The following DEGS2 variants were observed in gnomAD, a reference collection of about 807,000 sequenced individuals.
DEGS2 encodes the protein sphingolipid delta(4)-desaturase/C4-monooxygenase DES2.
Under a neutral mutation model 23.8 loss-of-function variants are expected in DEGS2, and 19 were observed. The ratio of observed to expected loss-of-function variants is 0.80; its 90% CI spans 0.56 to 1.17. The LOEUF is 1.17. DEGS2 is among the 50% of genes most tolerant of loss of function. The pLI, the probability that DEGS2 is intolerant of heterozygous loss-of-function variation, is 0.00. For synonymous variants in DEGS2, 218 were observed against 213.7 expected, an observed-to-expected ratio of 1.02 and a Z score of -0.18; for missense variants, 390 against 459.5, an observed-to-expected ratio of 0.85 and a Z score of 1.38.
the DEGS2 span, among the ~76,000 whole-genome samples, chr14:100,166,427 C>CA: frequency 6.6e-6 from 1 of 151,630 alleles, no homozygotes; most frequent in Non-Finnish European, 1.5e-5. Context: ...CCCCCGCCCC[C>CA]ACAGGGACCT....
chr14:100,159,504 A>AC lies in DEGS2; in HGVS notation c.82+1dup. On this transcript the variant is annotated splice_donor_variant, in intron 1 of 2. Coordinates refer to ENST00000305631, the MANE Select transcript of DEGS2 (RefSeq NM_206918.3). LOFTEE classifies it high-confidence loss of function. ...CCGGGGTGGGCCCCGCGCGGCGCTCACCCAGTATCTCCTTGCGCCGCTGCG... is the reference window on the plus strand; with the variant it reads ...CCGGGGTGGGCCCCGCGCGGCGCTCACCCCAGTATCTCCTTGCGCCGCTGCG... 6.7e-7 allele frequency: 1 copy of AC among 1,491,904 alleles called. No homozygotes were observed. The allele number at this position is 1,491,904 out of a possible 1,614,324, so 92.4% of individuals were successfully genotyped here.
At chr14:100,159,970 T>G, upstream of DEGS2, 1 of 159,084 alleles carries the variant, frequency 6.3e-6, no homozygotes, top group Non-Finnish European at 1.4e-5. Flanking sequence ...GTCGGGTTTT[T>G]ACCCCGGCCC....
rs530020404 is a variant in DEGS2, at chr14:100,145,316, G to C, written c.*1445C>G. 6.6e-6 allele frequency: 1 copy of C among 152,304 alleles called. No homozygotes were observed. The highest frequency in any genetic ancestry group is 2.4e-5 in the African/African-American group (1 of 41,456). The allele number at this position is 152,304 out of a possible 1,614,324, so 9.4% of individuals were successfully genotyped here. On this transcript the variant is annotated 3_prime_UTR_variant, in exon 3 of 3. Transcript: ENST00000305631. The stretch of plus-strand genomic sequence containing the variant: ...TTCCCCTCAGCCTGTGGGCGGGCCT[G>C]TGTGCACAGGGAGGGGCCGCCCGGC...
In DEGS2 at chr14:100,159,570, G is replaced by C. The variant is rs748747978; in HGVS notation, c.18C>G (p.Ser6Arg). 2 of 1,498,392 alleles carry C rather than the reference G, an allele frequency of 1.3e-6. No homozygotes were observed. The highest frequency in any genetic ancestry group is 1.3e-5 in the South Asian group (1 of 79,452). The allele number at this position is 1,498,392 out of a possible 1,614,324, so 92.8% of individuals were successfully genotyped here. The change falls in exon 1 of 3, where the codon AGC becomes AGG. Residue 6 changes from serine to arginine, a missense_variant. Ser to Arg is a moderately radical substitution (Grantham distance 110). Transcript: ENST00000305631. ...TGTAGACCCACTCGAAGTCGCTGCGGCTCGCGCTGTTGCCCATGGTGGGGC... is the reference window on the plus strand; with the variant it reads ...TGTAGACCCACTCGAAGTCGCTGCGCCTCGCGCTGTTGCCCATGGTGGGGC... MGNSA[S>R]RSDFEWVYTD... is the part of the protein sequence containing the mutation.
upstream of DEGS2, chr14:100,159,926 C>T (rs1889724981): frequency 1.1e-5 from 2 of 178,278 alleles, no homozygotes; most frequent in East Asian, 1.4e-4. Context: ...GGCCTCCCAC[C>T]GGCTCTGCGC....
chr14:100,156,935 C>T (rs1350054247), intron 1 of DEGS2, among the ~76,000 whole-genome samples: 7 of 152,328 alleles, frequency 4.6e-5, no homozygotes, highest in African/African-American at 7.2e-5. Context: ...GGAAAGGGAG[C>T]GTGGACCAAG....
At chr14:100,151,082 G>C (rs1000061358) in intron 1 of DEGS2, among the ~76,000 whole-genome samples, 9 of 152,216 alleles carry the variant, frequency 5.9e-5, no homozygotes, top group Non-Finnish European at 1.0e-4. Flanking sequence ...ACAAGCCTCA[G>C]GGGCCCAACC....
At position 100,144,347 on chromosome 14, in the gene DEGS2, G is replaced by A. The variant is rs138038307; in HGVS notation, c.*2414C>T. Reference sequence around the variant, plus strand: ...CCAGGAGTCGTAGGAGCAAGATGGCGGTCTTCGACAGGAAGCTGGGCTCAG... The same window carrying A: ...CCAGGAGTCGTAGGAGCAAGATGGCAGTCTTCGACAGGAAGCTGGGCTCAG... On this transcript the variant is annotated 3_prime_UTR_variant, in exon 3 of 3. Coordinates refer to ENST00000305631, the MANE Select transcript of DEGS2 (RefSeq NM_206918.3). The A allele has an allele frequency of 9.7e-3, 1,475 of 152,634 alleles. 20 individuals are homozygous for A. The highest frequency in any genetic ancestry group is 0.024 in the Middle Eastern group (7 of 294). The allele number at this position is 152,634 out of a possible 1,614,324, so 9.5% of individuals were successfully genotyped here.
chr14:100,161,490 C>T (rs751170633), upstream of DEGS2, among the ~76,000 whole-genome samples: 8 of 152,152 alleles, frequency 5.3e-5, no homozygotes, highest in Non-Finnish European at 5.9e-5. Flanking sequence ...CATACTGTTG[C>T]GTCCCCACCC....
upstream of DEGS2, chr14:100,159,711 G>A (rs1189608318): frequency 2.7e-5 from 11 of 405,894 alleles, no homozygotes; most frequent in East Asian, 4.7e-4. Flanking sequence ...GCGGGGCCAG[G>A]TGCGCCAGGC....
chr14:100,166,235 A>AGAGCGGGGGGAGCCTGTCCGGGG, the DEGS2 span, among the ~76,000 whole-genome samples: 587 of 13,580 alleles, frequency 0.043, 129 homozygotes, highest in Middle Eastern at 0.083. Context: ...CCCATCCAGG[A>AGAGCGGGGGGAGCCTGTCCGGGG]GAGTGGGGGG....
intron 1 of DEGS2, among the ~76,000 whole-genome samples, chr14:100,158,857 G>T (rs1407051885): frequency 6.6e-6 from 1 of 152,216 alleles, no homozygotes; most frequent in East Asian, 1.9e-4. Flanking sequence ...GAGTGACTCC[G>T]AGTGGGTAAA....
At chr14:100,166,786 G>A in the DEGS2 span, among the ~76,000 whole-genome samples, 1 of 152,140 alleles carries the variant, frequency 6.6e-6, no homozygotes, top group Non-Finnish European at 1.5e-5. Context: ...AAGGAAAAAT[G>A]TTACCCACCT....
intron 2 of DEGS2, 106 bp downstream of exon 2, chr14:100,148,862 A>G: frequency 7.5e-7 from 1 of 1,337,934 alleles, no homozygotes; most frequent in South Asian, 1.4e-5. Context: ...CTAGCACAAA[A>G]AGGGAGAGGC....
chr14:100,166,302 G>GGGGA, the DEGS2 span, among the ~76,000 whole-genome samples: 1 of 80,588 alleles, frequency 1.2e-5, no homozygotes. Context: ...AGCCTGCCCG[G>GGGGA]GGCTGTGGGG....
chr14:100,156,353 G>A (rs531065124), intron 1 of DEGS2, among the ~76,000 whole-genome samples: 1 of 152,368 alleles, frequency 6.6e-6, no homozygotes, highest in Admixed American at 6.5e-5. Flanking sequence ...AGGCATGGAG[G>A]AAGCAGAGAG....
At chr14:100,146,948 G>T in intron 2 of DEGS2, 41 bp from the exon 3 acceptor site, 1 of 1,592,750 alleles carries the variant, frequency 6.3e-7, no homozygotes, top group Non-Finnish European at 8.5e-7. Context: ...GGTTCTCCTC[G>T]GGGCCGCACC....
At chr14:100,148,289 CAG>C (rs1417844580) in intron 2 of DEGS2, among the ~76,000 whole-genome samples, 4 of 152,234 alleles carry the variant, frequency 2.6e-5, no homozygotes, top group Non-Finnish European at 4.4e-5. Flanking sequence ...CCGGTGCACA[CAG>C]AGGCGTGCGC....
chr14:100,151,480 G>A (rs999607772), intron 1 of DEGS2, among the ~76,000 whole-genome samples: 2 of 152,202 alleles, frequency 1.3e-5, no homozygotes, highest in African/African-American at 4.8e-5. Flanking sequence ...TCACCTGCCT[G>A]CAGGCACCTG....
Sources: allele counts gnomAD v4.1 joint callset (sites outside exome capture counted in the v4.1 genomes callset), GRCh38; gene constraint gnomAD v4.1.1; transcripts MANE v1.5; gene names NCBI Gene and HGNC (gene_info 2026-07-23, HGNC 2026-07-21).